Variants in UNC5D observed in about 807,000 individuals in gnomAD.
UNC5D encodes the protein netrin receptor UNC5D.
Under a neutral mutation model 105.4 loss-of-function variants are expected in UNC5D, and 39 were observed. That is an observed-to-expected ratio of 0.37 (90% CI 0.29 to 0.48). The LOEUF is 0.48. Ranked by LOEUF, UNC5D falls within the 20% of genes least tolerant of loss-of-function variation. The probability of loss-of-function intolerance (pLI) is 0.98; values close to 1 mark genes in which losing one functional copy is unlikely to be tolerated. For synonymous variants in UNC5D, 452 were observed against 450.4 expected, an observed-to-expected ratio of 1.00 and a Z score of -0.04; for missense variants, 991 against 1,202.4, an observed-to-expected ratio of 0.82 and a Z score of 2.60.
chr8:35,271,688 CATGTATACATGTATACAT>C (rs1805372614), intron 1 of UNC5D, among the ~76,000 whole-genome samples: 1 of 9,376 alleles, frequency 1.1e-4, no homozygotes, highest in Non-Finnish European at 4.4e-4. Context: ...TATATGTATA[CATGTATACATGTATACAT>C]ATATATTTAT....
intron 1 of UNC5D, among the ~76,000 whole-genome samples, chr8:35,535,631 G>A (rs1269143749): frequency 6.6e-6 from 1 of 151,558 alleles, no homozygotes; most frequent in East Asian, 1.9e-4. Flanking sequence ...ATATTGCTTT[G>A]GAAGGAAAAA....
At chr8:35,537,728 AT>A (rs1400815922) in intron 1 of UNC5D, among the ~76,000 whole-genome samples, 2 of 150,098 alleles carry the variant, frequency 1.3e-5, no homozygotes, top group East Asian at 1.9e-4. Context: ...ATAAGTAAAT[AT>A]TTTATTTATA....
At chr8:35,332,644 A>G (rs1268171463) in intron 1 of UNC5D, among the ~76,000 whole-genome samples, 1 of 152,196 alleles carries the variant, frequency 6.6e-6, no homozygotes, top group Non-Finnish European at 1.5e-5. Context: ...TATCAATTTT[A>G]TAGGGGCAGA....
intron 3 of UNC5D, among the ~76,000 whole-genome samples, chr8:35,594,069 G>A (rs1032541681): frequency 6.6e-6 from 1 of 152,138 alleles, no homozygotes; most frequent in Non-Finnish European, 1.5e-5. Context: ...GCAATTTACG[G>A]TTCCCGGATA....
intron 4 of UNC5D, among the ~76,000 whole-genome samples, chr8:35,625,687 G>A (rs1182069960): frequency 2.0e-5 from 3 of 152,166 alleles, no homozygotes; most frequent in African/African-American, 2.4e-5. Flanking sequence ...TATTAAATGC[G>A]TGCAGTGTGC....
intron 7 of UNC5D, among the ~76,000 whole-genome samples, chr8:35,691,215 G>A (rs1411233047): frequency 1.3e-5 from 2 of 152,146 alleles, no homozygotes; most frequent in African/African-American, 4.8e-5. Context: ...CTGGCACAGT[G>A]GCTTATGCCT....
intron 1 of UNC5D, among the ~76,000 whole-genome samples, chr8:35,380,347 A>C (rs1802972591): frequency 6.6e-6 from 1 of 151,766 alleles, no homozygotes; most frequent in Admixed American, 6.6e-5. Context: ...CTTGTCTGCT[A>C]ATACCATCAT....
intron 1 of UNC5D, among the ~76,000 whole-genome samples, chr8:35,471,609 C>T (rs551640059): frequency 6.6e-6 from 1 of 152,236 alleles, no homozygotes; most frequent in Admixed American, 6.5e-5. Flanking sequence ...GATTCTATTG[C>T]TTTACACCTT....
intron 8 of UNC5D, among the ~76,000 whole-genome samples, chr8:35,709,221 C>G (rs561710198): frequency 6.6e-6 from 1 of 152,268 alleles, no homozygotes; most frequent in East Asian, 1.9e-4. Flanking sequence ...AAAACACATA[C>G]AGCTTCTCCT....
chr8:35,470,407 T>C (rs749619761), intron 1 of UNC5D, among the ~76,000 whole-genome samples: 3 of 152,010 alleles, frequency 2.0e-5, no homozygotes, highest in Non-Finnish European at 2.9e-5. Flanking sequence ...GATCCTGATA[T>C]TGAGATTATG....
intron 4 of UNC5D, among the ~76,000 whole-genome samples, chr8:35,605,194 G>T (rs1410504191): frequency 1.3e-5 from 2 of 152,134 alleles, no homozygotes; most frequent in African/African-American, 4.8e-5. Context: ...TTTGTTCTTT[G>T]ATGATGGTGA....
At chr8:35,606,783 C>T (rs1227830702) in intron 4 of UNC5D, among the ~76,000 whole-genome samples, 2 of 152,224 alleles carry the variant, frequency 1.3e-5, no homozygotes, top group Non-Finnish European at 2.9e-5. Context: ...CATAAATGCA[C>T]ACATGAGTGT....
At chr8:35,718,672 A>G (rs1375111918) in intron 8 of UNC5D, among the ~76,000 whole-genome samples, 2 of 152,200 alleles carry the variant, frequency 1.3e-5, no homozygotes, top group African/African-American at 2.4e-5. Context: ...TAGGAAGTAC[A>G]AGTGATACAA....
In UNC5D at chr8:35,471,477, G is replaced by T. The variant is rs368221233; in HGVS notation, c.104-77815G>T. Among the ~76,000 whole-genome samples the T allele has an allele frequency of 3.3e-5, 5 of 152,112 alleles. No individual in the cohort carries two copies. The South Asian group carries it at 8.3e-4, about 25-fold the overall frequency. The stretch of plus-strand genomic sequence containing the variant: ...GAATTATAACACCTTGTAAACCAAC[G>T]TATAATATTGGAGAAAATAAATGAA... On this transcript the variant is annotated intron_variant, in intron 1 of 16. Transcript: ENST00000404895.
chr8:35,259,201 T>C (rs1804278283), intron 1 of UNC5D, among the ~76,000 whole-genome samples: 1 of 152,122 alleles, frequency 6.6e-6, no homozygotes, highest in African/African-American at 2.4e-5. Context: ...AAAGCCAGTG[T>C]ATTAAAGAAA....
chr8:35,296,618 A>G (rs1304462505), intron 1 of UNC5D, among the ~76,000 whole-genome samples: 1 of 152,070 alleles, frequency 6.6e-6, no homozygotes, highest in East Asian at 1.9e-4. Context: ...TGGGGGTCTC[A>G]CCATGTTGGT....
intron 1 of UNC5D, among the ~76,000 whole-genome samples, chr8:35,524,710 G>A (rs1234385512): frequency 2.7e-5 from 4 of 150,586 alleles, no homozygotes; most frequent in Non-Finnish European, 5.9e-5. Context: ...AAAGTGAGAC[G>A]TTTGCTGCTC....
chr8:35,447,043 G>T (rs1370299936), intron 1 of UNC5D, among the ~76,000 whole-genome samples: 1 of 152,010 alleles, frequency 6.6e-6, no homozygotes, highest in Middle Eastern at 3.2e-3. Flanking sequence ...TATCCTCAGA[G>T]CTAAGAGTGA....
At chr8:35,276,752 G>A (rs7815710) in intron 1 of UNC5D, among the ~76,000 whole-genome samples, 64,264 of 151,960 alleles carry the variant, frequency 0.42, 13,878 homozygotes, top group East Asian at 0.7. Flanking sequence ...GAGTGGTTAG[G>A]TGAAATATTA....
Sources: gnomAD v4.1 joint callset for allele counts (sites outside exome capture counted in the v4.1 genomes callset) on GRCh38, gnomAD v4.1.1 for gene constraint, MANE v1.5 for transcripts, NCBI Gene and HGNC (gene_info 2026-07-23, HGNC 2026-07-21) for gene names.